The following TFCP2 variants were observed in gnomAD, a reference collection of about 807,000 sequenced individuals.
TFCP2 encodes alpha-globin transcription factor CP2.
In TFCP2, 33 loss-of-function variants were observed where a neutral mutation model predicts 73.4. The ratio of observed to expected loss-of-function variants is 0.45; its 90% CI spans 0.34 to 0.60. The LOEUF (loss-of-function observed/expected upper bound fraction) is 0.60. Ranked by LOEUF, TFCP2 falls within the 20% of genes least tolerant of loss-of-function variation. TFCP2 has a pLI of 0.01. For synonymous variants in TFCP2, 193 were observed against 211.6 expected, an observed-to-expected ratio of 0.91 and a Z score of 0.76; for missense variants, 352 against 604.0, an observed-to-expected ratio of 0.58 and a Z score of 4.37.
rs769019891 is a variant in TFCP2 at position 51,096,067 on chromosome 12, T to G, written c.1420-27A>C. ...TGAAAAATGCAAGAAAATTTGTGATTATTTAAATGAAAAACAACCCCTTTA... is the reference window on the plus strand; with the variant it reads ...TGAAAAATGCAAGAAAATTTGTGATGATTTAAATGAAAAACAACCCCTTTA... On this transcript the variant is annotated intron_variant, in intron 13 of 14. Transcript: ENST00000257915. The G allele has an allele frequency of 1.7e-5, 28 of 1,602,854 alleles. 1 individual carries two copies. The South Asian group carries it at 2.8e-4, about 16-fold the overall frequency.
At chr12:51,109,787 C>T (rs1182332110) in intron 5 of TFCP2, among the ~76,000 whole-genome samples, 1 of 150,514 alleles carries the variant, frequency 6.6e-6, no homozygotes, top group Non-Finnish European at 1.5e-5. Flanking sequence ...GGCACAATCT[C>T]GGCTCACCGC....
intron 1 of TFCP2, among the ~76,000 whole-genome samples, chr12:51,131,332 C>CA (rs34469805): frequency 0.69 from 81,515 of 117,654 alleles, 26,777 homozygotes; most frequent in Non-Finnish European, 0.76. Flanking sequence ...AAGACTGTCT[C>CA]AAAAAAAAAA....
chr12:51,105,144 A>G (rs1940199963), intron 8 of TFCP2, among the ~76,000 whole-genome samples: 1 of 146,170 alleles, frequency 6.8e-6, no homozygotes, highest in African/African-American at 2.5e-5. Context: ...CCCAGGCTGG[A>G]GCGCAGTGGC....
chr12:51,127,971 G>A (rs1940849945), intron 1 of TFCP2, among the ~76,000 whole-genome samples: 1 of 151,422 alleles, frequency 6.6e-6, no homozygotes, highest in Admixed American at 6.6e-5. Context: ...CCAAGAGGGA[G>A]TGCAGTGGTG....
chr12:51,115,264 C>T (rs1284232318), intron 4 of TFCP2, among the ~76,000 whole-genome samples: 4 of 151,598 alleles, frequency 2.6e-5, no homozygotes, highest in Non-Finnish European at 1.5e-5. Context: ...GGACTACAGG[C>T]GCCCGCCACC....
intron 1 of TFCP2, among the ~76,000 whole-genome samples, chr12:51,155,237 G>C (rs1941513747): frequency 6.6e-6 from 1 of 152,124 alleles, no homozygotes; most frequent in Non-Finnish European, 1.5e-5. Flanking sequence ...GGTTTCCCTG[G>C]TTCTGAGGCT....
chr12:51,126,866 T>C (rs1213151929), intron 1 of TFCP2, among the ~76,000 whole-genome samples: 3 of 152,078 alleles, frequency 2.0e-5, no homozygotes, highest in African/African-American at 7.2e-5. Context: ...CAATTGGCCA[T>C]AACAACTGTA....
At chr12:51,099,422 G>A (rs1258482212) in intron 12 of TFCP2, among the ~76,000 whole-genome samples, 1 of 151,088 alleles carries the variant, frequency 6.6e-6, no homozygotes, top group Non-Finnish European at 1.5e-5. Flanking sequence ...AGGCTGCAAT[G>A]AGTCATGATT....
At position 51,172,500 on chromosome 12, in the gene TFCP2, C is replaced by G. The variant is rs1407528615; in HGVS notation, c.-78G>C. The G allele has an allele frequency of 3.2e-6, 5 of 1,585,742 alleles. No homozygotes were observed. Among genetic ancestry groups the G allele is most frequent in the Non-Finnish European group, 4.3e-6 (5 of 1,167,296 alleles). On this transcript the variant is annotated 5_prime_UTR_variant, in exon 1 of 15. Transcript: ENST00000257915. ...GGGTAATTCTACCCAACAGGAGTAA[C>G]GCAAACCAAGAAAACTACAAACCAA...
intron 4 of TFCP2, among the ~76,000 whole-genome samples, chr12:51,115,757 C>G (rs1314458589): frequency 3.9e-5 from 6 of 152,102 alleles, no homozygotes; most frequent in Non-Finnish European, 8.8e-5. Context: ...ATACCATGAA[C>G]CTTGAAAACA....
At chr12:51,107,422 T>C in intron 6 of TFCP2, 76 bp from the exon 7 acceptor site, 1 of 1,208,512 alleles carries the variant, frequency 8.3e-7, no homozygotes, top group Non-Finnish European at 1.2e-6. Context: ...AAAACTTAAA[T>C]ATTCATGTAT....
intron 3 of TFCP2, among the ~76,000 whole-genome samples, chr12:51,117,375 A>C (rs1270623213): frequency 1.3e-5 from 2 of 152,176 alleles, no homozygotes; most frequent in African/African-American, 4.8e-5. Context: ...TAAAGATCTC[A>C]AGGAGGTTAC....
chr12:51,117,639 T>A (rs767653759), intron 3 of TFCP2, 32 bp downstream of exon 3: 1 of 1,542,562 alleles, frequency 6.5e-7, no homozygotes, highest in East Asian at 2.2e-5. Flanking sequence ...TAGTAAAAAA[T>A]ATTGTACAGA....
At chr12:51,130,861 C>A (rs1459161617) in intron 1 of TFCP2, among the ~76,000 whole-genome samples, 3 of 151,380 alleles carry the variant, frequency 2.0e-5, no homozygotes, top group Non-Finnish European at 4.4e-5. Context: ...GTGGCAGGTG[C>A]CTGTAATCCC....
intron 1 of TFCP2, among the ~76,000 whole-genome samples, chr12:51,142,010 C>G (rs1941203517): frequency 6.6e-6 from 1 of 151,328 alleles, no homozygotes; most frequent in African/African-American, 2.4e-5. Flanking sequence ...TGAGACCAGC[C>G]TGACTGACAC....
At chr12:51,135,630 G>C (rs1941046350) in intron 1 of TFCP2, among the ~76,000 whole-genome samples, 1 of 152,072 alleles carries the variant, frequency 6.6e-6, no homozygotes, top group Admixed American at 6.6e-5. Flanking sequence ...GGGAGCTTTA[G>C]GCCATATCCC....
At chr12:51,168,603 G>C (rs1449096858) in intron 1 of TFCP2, among the ~76,000 whole-genome samples, 1 of 151,948 alleles carries the variant, frequency 6.6e-6, no homozygotes, top group Non-Finnish European at 1.5e-5. Flanking sequence ...TCCCATCTCA[G>C]CCTCTGGAGT....
chr12:51,158,082 G>T lies in TFCP2; in HGVS notation c.122+14219C>A, dbSNP rs1941575794. On this transcript the variant is annotated intron_variant, in intron 1 of 14. Transcript: ENST00000257915. ...TGTGGCACAATCATAGCTCACTGCA[G>T]CCTCAAACTCCTGGGCTCAAGCAAT... 2.0e-5 allele frequency among the ~76,000 whole-genome samples: 3 copies of T among 151,878 alleles called. No individual in the cohort carries two copies. The South Asian group carries it at 6.2e-4, about 31-fold the overall frequency.
chr12:51,126,096 G>A (rs1358211700), intron 1 of TFCP2, among the ~76,000 whole-genome samples: 2 of 152,016 alleles, frequency 1.3e-5, no homozygotes, highest in South Asian at 4.1e-4. Flanking sequence ...AGCCGGGCGT[G>A]GTGTTGGGCG....
Sources: allele counts gnomAD v4.1 joint callset (sites outside exome capture counted in the v4.1 genomes callset), GRCh38; gene constraint gnomAD v4.1.1; transcripts MANE v1.5; gene names NCBI Gene and HGNC (gene_info 2026-07-23, HGNC 2026-07-21).